Variants in SAMD3 observed in about 807,000 individuals in gnomAD.
SAMD3 encodes sterile alpha motif domain containing 3, also known as sterile alpha motif domain-containing protein 3.
In SAMD3, 63 loss-of-function variants were observed where a neutral mutation model predicts 58.5. The ratio of observed to expected loss-of-function variants is 1.08; its 90% CI spans 0.88 to 1.33. SAMD3 has a LOEUF of 1.33. Ranked by LOEUF, SAMD3 falls within the 40% of genes most tolerant of loss-of-function variation. SAMD3 has a pLI of 0.00. For missense variants in SAMD3, 604 were observed against 608.4 expected, an observed-to-expected ratio of 0.99 and a Z score of 0.08; for synonymous variants, 220 against 210.3, an observed-to-expected ratio of 1.05 and a Z score of -0.40.
At chr6:130,364,916 G>A (rs939121307) in intron 1 of SAMD3, among the ~76,000 whole-genome samples, 2 of 122,334 alleles carry the variant, frequency 1.6e-5, no homozygotes, top group African/African-American at 6.6e-5. Context: ...TACCCCCCCA[G>A]AAGCAAACTT....
chr6:130,248,483 T>C (rs1281945882), intron 2 of SAMD3, among the ~76,000 whole-genome samples: 1 of 152,156 alleles, frequency 6.6e-6, no homozygotes. Context: ...GGAGTCACCC[T>C]ACTTTGTTAA....
chr6:130,236,444 C>T (rs532861029), intron 2 of SAMD3, among the ~76,000 whole-genome samples: 15 of 149,514 alleles, frequency 1.0e-4, no homozygotes, highest in Admixed American at 3.3e-4. Context: ...AGTGCAATGG[C>T]GTGATCTCAG....
At chr6:130,264,346 T>C (rs6932481) in intron 2 of SAMD3, among the ~76,000 whole-genome samples, 47,308 of 152,058 alleles carry the variant, frequency 0.31, 7,742 homozygotes, top group East Asian at 0.47. Context: ...AGGGAGGAAA[T>C]AGCATTCCTT....
intron 2 of SAMD3, among the ~76,000 whole-genome samples, chr6:130,278,220 G>A (rs937380466): frequency 2.0e-5 from 3 of 152,026 alleles, no homozygotes; most frequent in African/African-American, 4.8e-5. Flanking sequence ...AGACAGCTTC[G>A]ACTCCCTATG....
chr6:130,234,663 G>A (rs1796633516), intron 2 of SAMD3, among the ~76,000 whole-genome samples: 1 of 152,168 alleles, frequency 6.6e-6, no homozygotes, highest in African/African-American at 2.4e-5. Flanking sequence ...CACATACAGA[G>A]CTCTGTTCAG....
At chr6:130,357,088 T>C (rs1208448683) in intron 1 of SAMD3, among the ~76,000 whole-genome samples, 1 of 151,622 alleles carries the variant, frequency 6.6e-6, no homozygotes, top group Non-Finnish European at 1.5e-5. Flanking sequence ...TAAAAATCTA[T>C]GAGATTTAAA....
At chr6:130,300,322 T>C (rs1019814066) in intron 2 of SAMD3, among the ~76,000 whole-genome samples, 1 of 152,204 alleles carries the variant, frequency 6.6e-6, no homozygotes, top group Non-Finnish European at 1.5e-5. Context: ...TCAATAAATG[T>C]GATTCATCAC....
intron 2 of SAMD3, among the ~76,000 whole-genome samples, chr6:130,301,402 C>G (rs552569699): frequency 4.6e-5 from 7 of 152,078 alleles, no homozygotes; most frequent in Non-Finnish European, 1.0e-4. Flanking sequence ...ACAAGGAGAA[C>G]TGCATAACAC....
intron 1 of SAMD3, among the ~76,000 whole-genome samples, chr6:130,346,024 T>C (rs1236398894): frequency 6.6e-6 from 1 of 152,260 alleles, no homozygotes; most frequent in Non-Finnish European, 1.5e-5. Context: ...CTTTATCTTT[T>C]TGCAATATGC....
At chr6:130,231,947 C>CT (rs1796561005) in intron 2 of SAMD3, among the ~76,000 whole-genome samples, 1 of 152,126 alleles carries the variant, frequency 6.6e-6, no homozygotes, top group Non-Finnish European at 1.5e-5. Context: ...TTTGTAGCTC[C>CT]TACCTCATGG....
chr6:130,331,274 G>A (rs1776924634), intron 1 of SAMD3, among the ~76,000 whole-genome samples: 1 of 151,878 alleles, frequency 6.6e-6, no homozygotes, highest in South Asian at 2.1e-4. Context: ...AATAATACAA[G>A]GCAAATAAGA....
intron 2 of SAMD3, among the ~76,000 whole-genome samples, chr6:130,259,203 T>C (rs561823507): frequency 6.6e-6 from 1 of 152,180 alleles, no homozygotes; most frequent in Non-Finnish European, 1.5e-5. Flanking sequence ...AAAGGAATAT[T>C]GAGGCTGAGT....
At chr6:130,267,308 G>C (rs1774394767) in intron 2 of SAMD3, among the ~76,000 whole-genome samples, 1 of 152,164 alleles carries the variant, frequency 6.6e-6, no homozygotes, top group Admixed American at 6.5e-5. Context: ...ATAGGAACCT[G>C]CTTACTGCTC....
intron 5 of SAMD3, among the ~76,000 whole-genome samples, chr6:130,190,696 A>AT (rs1425234748): frequency 1.3e-5 from 2 of 152,120 alleles, no homozygotes; most frequent in South Asian, 4.2e-4. Flanking sequence ...AAAGTAGCTC[A>AT]TTTTTTCTAA....
chr6:130,349,267 T>TCAAAGAGACA (rs1777568096), intron 1 of SAMD3, among the ~76,000 whole-genome samples: 1 of 151,918 alleles, frequency 6.6e-6, no homozygotes, highest in African/African-American at 2.4e-5. Flanking sequence ...AAAAAACCCT[T>TCAAAGAGACA]CAAAAAATCA....
chr6:130,359,377 A>G (rs1362341091), intron 1 of SAMD3, among the ~76,000 whole-genome samples: 1 of 152,122 alleles, frequency 6.6e-6, no homozygotes. Context: ...CACTCCAGCC[A>G]CAGTGATTCT....
chr6:130,149,847 G>A (rs562100170), intron 9 of SAMD3, among the ~76,000 whole-genome samples: 2 of 152,194 alleles, frequency 1.3e-5, no homozygotes, highest in South Asian at 4.2e-4. Flanking sequence ...CCTGCACGAC[G>A]TATCCCCTGC....
chr6:130,150,099 ATG>A lies in SAMD3; in HGVS notation c.1024-3920_1024-3919del, dbSNP rs369929786. On this transcript the variant is annotated intron_variant, in intron 9 of 11. Coordinates refer to ENST00000439090, the MANE Select transcript of SAMD3 (RefSeq NM_001017373.4). ...TCAGCTCTGAATTTCAATTTGGTTC[ATG>A]TGTGTGTGTGTGCGCGCGTGTGTGT... Among the ~76,000 whole-genome samples the A allele has an allele frequency of 9.1e-3, 1,247 of 136,934 alleles. 20 individuals are homozygous for A. Among genetic ancestry groups the A allele is most frequent in the African/African-American group, 0.029 (1,175 of 40,200 alleles). 89.8% of individuals were successfully genotyped at this position (136,934 alleles called of 152,430 possible).
chr6:130,168,839 G>A (rs1220108654), intron 8 of SAMD3, among the ~76,000 whole-genome samples: 1 of 152,096 alleles, frequency 6.6e-6, no homozygotes, highest in Non-Finnish European at 1.5e-5. Flanking sequence ...GTCTGGCTCT[G>A]TCACCCAGGC....
Sources: allele counts gnomAD v4.1 joint callset (sites outside exome capture counted in the v4.1 genomes callset), GRCh38; gene constraint gnomAD v4.1.1; transcripts MANE v1.5; gene names NCBI Gene and HGNC (gene_info 2026-07-23, HGNC 2026-07-21).